CTIF: variants seen among roughly 807,000 people sequenced by gnomAD.
CTIF encodes the protein cap binding complex dependent translation initiation factor.
Under a neutral mutation model 66.0 loss-of-function variants are expected in CTIF, and 21 were observed. The observed-to-expected ratio is 0.32, with a 90% confidence interval of 0.23 to 0.46. CTIF has a LOEUF of 0.46. Among genes scored for constraint, CTIF ranks in the 20% least tolerant of loss-of-function variants. The pLI, the probability that CTIF is intolerant of heterozygous loss-of-function variation, is 1.00. For missense variants in CTIF, 739 were observed against 812.7 expected (o/e 0.91, Z 1.10); for synonymous variants, 345 against 326.4 (o/e 1.06, Z -0.62).
intron 10 of CTIF, among the ~76,000 whole-genome samples, chr18:48,852,980 A>G (rs139804896): frequency 3.5e-4 from 54 of 152,182 alleles, no homozygotes; most frequent in Middle Eastern, 3.4e-3. Context: ...GGGGTAGGTA[A>G]CCACATCCCC....
At chr18:48,587,338 C>T (rs1013983174) in intron 1 of CTIF, among the ~76,000 whole-genome samples, 8 of 152,134 alleles carry the variant, frequency 5.3e-5, no homozygotes, top group Non-Finnish European at 8.8e-5. Context: ...CCTCGGCCTC[C>T]CAGAGTGCTG....
intron 9 of CTIF, among the ~76,000 whole-genome samples, chr18:48,782,548 C>T (rs560809008): frequency 6.6e-6 from 1 of 152,332 alleles, no homozygotes; most frequent in African/African-American, 2.4e-5. Context: ...AAGCGTGCAG[C>T]GCCCAGGGGA....
At chr18:48,791,004 C>G (rs2067781509) in intron 9 of CTIF, among the ~76,000 whole-genome samples, 1 of 152,220 alleles carries the variant, frequency 6.6e-6, no homozygotes, top group Non-Finnish European at 1.5e-5. Flanking sequence ...TCAGGAGAGT[C>G]CTGGCACCCA....
At chr18:48,669,714 T>A (rs1169305469) in intron 5 of CTIF, among the ~76,000 whole-genome samples, 1 of 148,050 alleles carries the variant, frequency 6.8e-6, no homozygotes, top group African/African-American at 2.5e-5. Context: ...GTTTAAGATA[T>A]ATTTAATGGT....
intron 1 of CTIF, among the ~76,000 whole-genome samples, chr18:48,568,667 A>AAAAAAAAAAAAAAAAAAAAAAC (rs2089339037): frequency 7.5e-6 from 1 of 133,716 alleles, no homozygotes. Flanking sequence ...AAAAAAAAAA[A>AAAAAAAAAAAAAAAAAAAAAAC]AGAGGTTTAA....
chr18:48,801,128 A>G (rs1370637049), intron 9 of CTIF, among the ~76,000 whole-genome samples: 1 of 152,150 alleles, frequency 6.6e-6, no homozygotes, highest in African/African-American at 2.4e-5. Context: ...ACTGCTCAGA[A>G]CAGACCTCAC....
chr18:48,647,797 G>A (rs906812560), intron 3 of CTIF, among the ~76,000 whole-genome samples: 1 of 152,110 alleles, frequency 6.6e-6, no homozygotes, highest in African/African-American at 2.4e-5. Context: ...ATCTCTGCAG[G>A]ACTCCTAGGT....
intron 6 of CTIF, among the ~76,000 whole-genome samples, chr18:48,707,002 G>A (rs1170156723): frequency 1.3e-5 from 2 of 152,204 alleles, no homozygotes; most frequent in African/African-American, 2.4e-5. Flanking sequence ...AAGCAGGCAG[G>A]GCCTGGTGGG....
chr18:48,762,870 G>A (rs1909142466), intron 9 of CTIF, among the ~76,000 whole-genome samples: 2 of 152,204 alleles, frequency 1.3e-5, no homozygotes, highest in South Asian at 4.1e-4. Flanking sequence ...CATGCAGCCG[G>A]CAGGGCTCCA....
intron 1 of CTIF, among the ~76,000 whole-genome samples, chr18:48,560,226 A>ATT (rs34752495): frequency 0.06 from 7,913 of 131,310 alleles, 306 homozygotes; most frequent in South Asian, 0.11. Flanking sequence ...TTTGGAGGCT[A>ATT]TTTTTTTTTT....
intron 1 of CTIF, among the ~76,000 whole-genome samples, chr18:48,616,377 G>A (rs1422249925): frequency 6.6e-6 from 1 of 152,218 alleles, no homozygotes; most frequent in African/African-American, 2.4e-5. Flanking sequence ...GTGCCCAGCT[G>A]GGGAATAAGC....
chr18:48,685,795 G>A (rs1353071545), intron 6 of CTIF, among the ~76,000 whole-genome samples: 2 of 151,940 alleles, frequency 1.3e-5, no homozygotes, highest in African/African-American at 2.4e-5. Flanking sequence ...TCCTGCCTCA[G>A]CCTCCCAAGT....
rs1280778911 is a variant in CTIF, at chr18:48,676,699, G to A, written c.507+5955G>A. ...CCAGAAGGCTCAGGGGACGGAAAGT[G>A]GCTTTCTGGCCTCCTGAGCCTGTGT... is the stretch of plus-strand genomic sequence containing the variant. On this transcript the variant is annotated intron_variant, in intron 6 of 11. Transcript: ENST00000256413. Among the ~76,000 whole-genome samples, 8 of 151,932 alleles carry A rather than the reference G, an allele frequency of 5.3e-5. No individual in the cohort carries two copies. In the East Asian group the frequency reaches 1.6e-3, roughly 30 times the overall value.
chr18:48,592,503 AAAAAAAAAAAG>A (rs2089907305), intron 1 of CTIF, among the ~76,000 whole-genome samples: 1 of 151,284 alleles, frequency 6.6e-6, no homozygotes, highest in Non-Finnish European at 1.5e-5. Flanking sequence ...GTCTCAAAAA[AAAAAAAAAAAG>A]AAAAAGAAAA....
Position 48,761,343 on chromosome 18 carries a change from G to C in CTIF, c.1072-47G>C. 6.3e-7 allele frequency: 1 copy of C among 1,583,478 alleles called. No homozygotes were observed. Among genetic ancestry groups the C allele is most frequent in the East Asian group, 2.2e-5 (1 of 44,558 alleles). ...TTCCACCAGGCCACCCCTGCACAGA[G>C]ACCTCGGCTTCACTCAGGCACATTC... On this transcript the variant is annotated intron_variant, in intron 8 of 11. Coordinates refer to ENST00000256413, the MANE Select transcript of CTIF (RefSeq NM_014772.3). This position sits in a 1 kb window ranked among gnomAD's most constrained non-coding sequence, Gnocchi z 4.2.
At chr18:48,762,774 A>G (rs570636317) in intron 9 of CTIF, among the ~76,000 whole-genome samples, 6 of 152,344 alleles carry the variant, frequency 3.9e-5, no homozygotes, top group East Asian at 3.9e-4. Flanking sequence ...ACAAGGGCAT[A>G]TGGCCACCCT....
intron 6 of CTIF, among the ~76,000 whole-genome samples, chr18:48,683,641 G>A (rs371968348): frequency 6.6e-6 from 1 of 152,090 alleles, no homozygotes; most frequent in South Asian, 2.1e-4. Context: ...AAGGGTTCAG[G>A]AGGAAGCTCT....
intron 10 of CTIF, among the ~76,000 whole-genome samples, chr18:48,851,426 C>T (rs1410060020): frequency 3.9e-5 from 6 of 152,200 alleles, no homozygotes. Flanking sequence ...TGTCAACACC[C>T]CTGGGACTCC....
chr18:48,656,324 C>T (rs1380354367), intron 3 of CTIF, among the ~76,000 whole-genome samples: 1 of 152,250 alleles, frequency 6.6e-6, no homozygotes, highest in Non-Finnish European at 1.5e-5. Flanking sequence ...ATCCTGGTAA[C>T]TGGCTCCATG....
Sources: gnomAD v4.1 joint callset for allele counts (sites outside exome capture counted in the v4.1 genomes callset) on GRCh38, gnomAD v4.1.1 for gene constraint, Gnocchi (gnomAD v3.1) non-coding constraint, MANE v1.5 for transcripts, NCBI Gene and HGNC (gene_info 2026-07-23, HGNC 2026-07-21) for gene names.